The following ZYG11B variants were observed in gnomAD, a reference collection of about 807,000 sequenced individuals.
The protein encoded by ZYG11B is protein zyg-11 homolog B.
In ZYG11B, 36 loss-of-function variants were observed where a neutral mutation model predicts 82.4. The ratio of observed to expected loss-of-function variants is 0.44; its 90% confidence interval spans 0.33 to 0.58. The LOEUF is 0.58. ZYG11B is among the 20% of genes least tolerant of loss of function. The probability of loss-of-function intolerance (pLI) is 0.02; values close to 1 mark genes in which losing one functional copy is unlikely to be tolerated. For missense variants in ZYG11B, 552 were observed against 895.6 expected (o/e 0.62, Z 4.90); for synonymous variants, 303 against 312.8 (o/e 0.97, Z 0.33).
At chr1:52,766,851 A>G (rs1241225459) in intron 2 of ZYG11B, among the ~76,000 whole-genome samples, 2 of 152,214 alleles carry the variant, frequency 1.3e-5, no homozygotes, top group East Asian at 3.9e-4. Context: ...TACTAAAAAT[A>G]CAAAAAATTA....
chr1:52,803,265 TAC>T (rs1227030663), intron 10 of ZYG11B, among the ~76,000 whole-genome samples: 6,905 of 72,306 alleles, frequency 0.095, 1,319 homozygotes, highest in East Asian at 0.41. Flanking sequence ...TATATATATA[TAC>T]ACACACACAC....
chr1:52,772,648 T>G, intron 3 of ZYG11B: 5 of 872,846 alleles, frequency 5.7e-6, no homozygotes, highest in Non-Finnish European at 9.8e-6. Flanking sequence ...ATACGACCCA[T>G]GATGGCGGCG....
chr1:52,783,882 A>ATGTACATACACGTGTGTGTG (rs74208826), intron 4 of ZYG11B, among the ~76,000 whole-genome samples: 1,327 of 125,954 alleles, frequency 0.011, 74 homozygotes, highest in African/African-American at 0.038. Context: ...ACGTGTGTGT[A>ATGTACATACACGTGTGTGTG]TATGTACATA....
Position 52,748,739 on chromosome 1 carries a change from G to A in ZYG11B, c.31-7719G>A, listed in dbSNP as rs560160422. The stretch of plus-strand genomic sequence containing the variant: ...TTAGCTGGGCGTGGTGCACGCGCCT[G>A]TAATCCCAGCTACTTGGGAGTCTGA... On this transcript the variant is annotated intron_variant, in intron 1 of 13. Coordinates refer to ENST00000294353, the MANE Select transcript of ZYG11B (RefSeq NM_024646.3). 2.6e-4 allele frequency among the ~76,000 whole-genome samples: 40 copies of A among 152,216 alleles called. No individual in the cohort carries two copies. In the South Asian group the frequency reaches 8.3e-3, roughly 32 times the overall value.
intron 1 of ZYG11B, among the ~76,000 whole-genome samples, chr1:52,731,192 G>C (rs1644329029): frequency 6.6e-6 from 1 of 150,964 alleles, no homozygotes; most frequent in Non-Finnish European, 1.5e-5. Context: ...AGAATTGCTT[G>C]AACCCGGGAG....
intron 6 of ZYG11B, among the ~76,000 whole-genome samples, chr1:52,795,333 A>T (rs1309911668): frequency 6.6e-6 from 1 of 152,070 alleles, no homozygotes; most frequent in African/African-American, 2.4e-5. Flanking sequence ...AGGCCTTCCC[A>T]GTGGTGCTTC....
At chr1:52,766,477 G>A (rs1179476370) in intron 2 of ZYG11B, among the ~76,000 whole-genome samples, 4 of 151,074 alleles carry the variant, frequency 2.6e-5, no homozygotes, top group African/African-American at 9.8e-5. Context: ...CTTTAAAATC[G>A]TTGTCAAATA....
At chr1:52,767,140 ATGT>A (rs955664829) in intron 2 of ZYG11B, among the ~76,000 whole-genome samples, 8 of 135,070 alleles carry the variant, frequency 5.9e-5, no homozygotes, top group African/African-American at 1.1e-4. Context: ...TTGTTATTTT[ATGT>A]TGTTTTGTTA....
At chr1:52,759,698 A>G (rs1271894230) in intron 2 of ZYG11B, among the ~76,000 whole-genome samples, 1 of 152,244 alleles carries the variant, frequency 6.6e-6, no homozygotes, top group Non-Finnish European at 1.5e-5. Flanking sequence ...ACTACTGAGA[A>G]TATGCAAAGA....
At chr1:52,794,392 G>A (rs1424434897) in intron 6 of ZYG11B, among the ~76,000 whole-genome samples, 2 of 152,146 alleles carry the variant, frequency 1.3e-5, no homozygotes, top group African/African-American at 4.8e-5. Context: ...AATGGCCTTG[G>A]AAACAGAAAG....
rs183970436 is a variant in ZYG11B at position 52,737,642 on chromosome 1, T to G, written c.30+10959T>G. 6.1e-4 allele frequency among the ~76,000 whole-genome samples: 93 copies of G among 152,280 alleles called. 1 individual carries two copies. The highest frequency in any genetic ancestry group is 2.1e-3 in the African/African-American group (86 of 41,572). The stretch of plus-strand genomic sequence containing the variant: ...TCAGCTGTGCGTGGTGGCATGCCTG[T>G]AATCCCAGCTATTTGGGAGGCTGAG... On this transcript the variant is annotated intron_variant, in intron 1 of 13. Transcript: ENST00000294353.
intron 2 of ZYG11B, among the ~76,000 whole-genome samples, chr1:52,767,298 T>G (rs12407079): frequency 1.5e-3 from 3 of 2,054 alleles, no homozygotes; most frequent in Non-Finnish European, 3.4e-3. Flanking sequence ...ATGTTGTTAT[T>G]TTATTTTATG....
At chr1:52,786,958 C>T (rs894247363) in intron 5 of ZYG11B, among the ~76,000 whole-genome samples, 6 of 151,964 alleles carry the variant, frequency 3.9e-5, no homozygotes, top group African/African-American at 1.2e-4. Flanking sequence ...GGCGTGGTGG[C>T]GCATGCTTAT....
At chr1:52,755,446 T>C (rs1644566134) in intron 1 of ZYG11B, among the ~76,000 whole-genome samples, 1 of 152,164 alleles carries the variant, frequency 6.6e-6, no homozygotes, top group African/African-American at 2.4e-5. Context: ...TTTTCCAAGA[T>C]CGTTTTGGCT....
At chr1:52,738,656 T>C (rs1571740976) in intron 1 of ZYG11B, among the ~76,000 whole-genome samples, 1 of 150,482 alleles carries the variant, frequency 6.6e-6, no homozygotes, top group African/African-American at 2.5e-5. Context: ...AAGGCTGGAG[T>C]GCAATGGTGT....
chr1:52,817,773 A>C (rs1287519105), intron 13 of ZYG11B, among the ~76,000 whole-genome samples: 1 of 37,742 alleles, frequency 2.6e-5, no homozygotes, highest in African/African-American at 9.5e-5. Flanking sequence ...GTGTATATAT[A>C]TGTGTATATA....
Position 52,772,459 on chromosome 1 carries a change from G to A in ZYG11B, c.951+685G>A, listed in dbSNP as rs548955514. On this transcript the variant is annotated intron_variant, in intron 3 of 13. Transcript: ENST00000294353. Reference sequence around the variant, plus strand: ...AAAATTTTATTGCCTGTCACAAAACGTACTTGTGCAACACCATGTGATTCT... The same window carrying A: ...AAAATTTTATTGCCTGTCACAAAACATACTTGTGCAACACCATGTGATTCT... 2.4e-4 allele frequency: 377 copies of A among 1,576,512 alleles called. 1 individual carries two copies. The highest frequency in any genetic ancestry group is 9.7e-4 in the African/African-American group (72 of 74,162).
chr1:52,800,619 G>C (rs1645068101), intron 8 of ZYG11B, among the ~76,000 whole-genome samples: 1 of 152,004 alleles, frequency 6.6e-6, no homozygotes, highest in Non-Finnish European at 1.5e-5. Flanking sequence ...GACCAGTGTG[G>C]CCAACATGGT....
In ZYG11B at chr1:52,825,649, A is replaced by G. The variant is rs562594472; in HGVS notation, c.*4020A>G. ...TTCTCCCCAGTCATCTTATTTGGCT[A>G]TGTTAAAAAAAAAAAAAAAAAAAAA... On this transcript the variant is annotated 3_prime_UTR_variant, in exon 14 of 14. Coordinates refer to ENST00000294353, the MANE Select transcript of ZYG11B (RefSeq NM_024646.3). 3.0e-5 allele frequency: 3 copies of G among 101,318 alleles called. No homozygotes were observed. The East Asian group carries it at 8.2e-4, about 28-fold the overall frequency. The allele number at this position is 101,318 out of a possible 1,614,324, so 6.3% of individuals were successfully genotyped here.
Sources: allele counts gnomAD v4.1 joint callset (sites outside exome capture counted in the v4.1 genomes callset), GRCh38; gene constraint gnomAD v4.1.1; transcripts MANE v1.5; gene names NCBI Gene and HGNC (gene_info 2026-07-23, HGNC 2026-07-21).